The following PGAP1 variants were observed in gnomAD, a reference collection of about 807,000 sequenced individuals.
The protein encoded by PGAP1 is post-GPI attachment to proteins inositol deacylase 1.
PGAP1 carries 76 observed loss-of-function variants against 127.0 expected under a neutral mutation model. That is an observed-to-expected ratio of 0.60 (90% CI 0.50 to 0.72). The LOEUF (loss-of-function observed/expected upper bound fraction) is 0.72. Ranked by LOEUF, PGAP1 falls within the 30% of genes least tolerant of loss-of-function variation. The probability of loss-of-function intolerance (pLI) is 0.00; values close to 1 mark genes in which losing one functional copy is unlikely to be tolerated. For missense variants in PGAP1, 982 were observed against 1,071.3 expected, an observed-to-expected ratio of 0.92 and a Z score of 1.16; for synonymous variants, 362 against 366.5, an observed-to-expected ratio of 0.99 and a Z score of 0.14.
In PGAP1 at chr2:196,843,973, G is replaced by A. The variant is rs755267355; in HGVS notation, c.2440C>T (p.Arg814Cys). ...LSANDAEDSLRMHSTVINLLT... is the reference protein window; with the variant it reads ...LSANDAEDSLCMHSTVINLLT... ...AAGTTAATCACAGTACTGTGCATGC[G>A]AAGGCTATCTTCAGCATCGTTGGCA... The change falls in exon 25 of 27, where the codon CGC (arginine) becomes TGC (cysteine). Residue 814 changes from arginine to cysteine, a missense_variant. Transcript: ENST00000354764. 15 of 1,607,886 alleles carry A rather than the reference G, an allele frequency of 9.3e-6. No individual in the cohort carries two copies. Among genetic ancestry groups the A allele is most frequent in the East Asian group, 2.2e-5 (1 of 44,792 alleles).
At chr2:196,892,000 A>T (rs914171041) in intron 9 of PGAP1, among the ~76,000 whole-genome samples, 1 of 152,114 alleles carries the variant, frequency 6.6e-6, no homozygotes, top group African/African-American at 2.4e-5. Context: ...TCTAGAGGAC[A>T]AATGACTTGG....
intron 5 of PGAP1, among the ~76,000 whole-genome samples, chr2:196,898,971 A>G (rs1702382089): frequency 6.6e-6 from 1 of 152,128 alleles, no homozygotes; most frequent in South Asian, 2.1e-4. Context: ...TACAACTAGT[A>G]AAATATACAA....
intron 23 of PGAP1, 107 bp downstream of exon 23, chr2:196,845,774 GT>G: frequency 1.2e-6 from 1 of 809,546 alleles, no homozygotes; most frequent in South Asian, 3.7e-5. Context: ...GTAACAGAGG[GT>G]TACTACAGTG....
At chr2:196,846,072 A>T in intron 22 of PGAP1, 55 bp from the exon 23 acceptor site, 2 of 1,123,762 alleles carry the variant, frequency 1.8e-6, no homozygotes, top group Non-Finnish European at 2.5e-6. Context: ...TTATATAGTC[A>T]CATATAAGAA....
rs751423199 is a variant in PGAP1, at chr2:196,875,779, T to G, written c.1393A>C (p.Ile465Leu). ...CEFFKKEKRY[I>L]QLPVTHLFSF... The stretch of plus-strand genomic sequence containing the variant: ...AAAAGATGAGTTACAGGAAGCTGTA[T>G]GTATCTTTTCTCTTTTTTAAAGAAT... Residue 465 changes from isoleucine (I) to leucine (L), a missense_variant, in exon 14 of 27, where the codon ATA (isoleucine) becomes CTA (leucine). Physicochemically the swap from Ile to Leu is conservative, Grantham distance 5 (BLOSUM62 2). Coordinates refer to ENST00000354764, the MANE Select transcript of PGAP1 (RefSeq NM_024989.4). 6 of 1,543,704 alleles carry G rather than the reference T, an allele frequency of 3.9e-6. 1 individual carries two copies. The South Asian group carries it at 5.7e-5, about 15-fold the overall frequency.
chr2:196,890,782 A>C, intron 10 of PGAP1, 46 bp downstream of exon 10: 4 of 1,093,248 alleles, frequency 3.7e-6, no homozygotes, highest in Non-Finnish European at 5.5e-6. Context: ...AAAAATGAAC[A>C]ACAGTTAGCC....
At chr2:196,864,149 T>C (rs1701159434) in intron 20 of PGAP1, among the ~76,000 whole-genome samples, 1 of 151,892 alleles carries the variant, frequency 6.6e-6, no homozygotes, top group South Asian at 2.1e-4. Context: ...CCCAGCACTT[T>C]GGGAGGCTGA....
chr2:196,847,331 A>C (rs1432151377), intron 21 of PGAP1, 131 bp from the exon 22 acceptor site: 4 of 655,892 alleles, frequency 6.1e-6, no homozygotes, highest in Middle Eastern at 4.2e-4. Context: ...TATACTGAAA[A>C]ACAAATTTTT....
Position 196,841,198 on chromosome 2 carries a change from C to T in PGAP1, c.*36G>A. ...GTTCCCTCTTATCACTGGCCCTAAA[C>T]ACATAAATTATCTTCATCATTCCTT... On this transcript the variant is annotated 3_prime_UTR_variant, in exon 27 of 27. Coordinates refer to ENST00000354764, the MANE Select transcript of PGAP1 (RefSeq NM_024989.4). The T allele has an allele frequency of 6.3e-7, 1 of 1,595,252 alleles. No homozygotes were observed. Among genetic ancestry groups the T allele is most frequent in the African/African-American group, 1.3e-5 (1 of 74,316 alleles).
intron 10 of PGAP1, among the ~76,000 whole-genome samples, chr2:196,886,436 T>C (rs1186933610): frequency 2.0e-5 from 3 of 151,912 alleles, no homozygotes; most frequent in South Asian, 2.1e-4. Flanking sequence ...GCTGGGATTA[T>C]AGGTGTGAGC....
At chr2:196,876,376 G>A (rs531650544) in intron 13 of PGAP1, among the ~76,000 whole-genome samples, 2 of 152,172 alleles carry the variant, frequency 1.3e-5, no homozygotes, top group African/African-American at 4.8e-5. Context: ...AGTTATCACA[G>A]TAAGTGGAAA....
chr2:196,850,467 G>A (rs992664717), intron 20 of PGAP1, among the ~76,000 whole-genome samples: 3 of 152,186 alleles, frequency 2.0e-5, no homozygotes, highest in Non-Finnish European at 4.4e-5. Flanking sequence ...AACTTCAAGT[G>A]CCAGGGTATA....
chr2:196,876,351 T>A (rs1701569230), intron 13 of PGAP1, among the ~76,000 whole-genome samples: 1 of 152,124 alleles, frequency 6.6e-6, no homozygotes, highest in African/African-American at 2.4e-5. Context: ...TGTGGAACAC[T>A]ATTTCAGGTT....
At position 196,848,049 on chromosome 2, in the gene PGAP1, AAAAAAGTTACAT is replaced by A; in HGVS notation, c.1862-24_1862-13del. ...TTCTAAGCAACAACCTGGTGATTTA[AAAAAAGTTACAT>A]GCAATTTACAGTAATTAAGTATGAG... is the stretch of plus-strand genomic sequence containing the variant. On this transcript the variant is annotated splice_polypyrimidine_tract_variant and intron_variant, in intron 20 of 26. Transcript: ENST00000354764. The A allele has an allele frequency of 6.3e-7, 1 of 1,575,376 alleles. No individual in the cohort carries two copies. Among genetic ancestry groups the A allele is most frequent in the Non-Finnish European group, 8.6e-7 (1 of 1,161,478 alleles).
At chr2:196,888,601 T>C (rs1701994118) in intron 10 of PGAP1, among the ~76,000 whole-genome samples, 1 of 152,142 alleles carries the variant, frequency 6.6e-6, no homozygotes, top group Non-Finnish European at 1.5e-5. Flanking sequence ...ATGTAATACA[T>C]TTCTTTGAAC....
intron 19 of PGAP1, among the ~76,000 whole-genome samples, chr2:196,867,993 A>G (rs942376137): frequency 6.6e-6 from 1 of 152,180 alleles, no homozygotes; most frequent in African/African-American, 2.4e-5. Context: ...AATATACTCT[A>G]CTTATCGAGA....
At position 196,897,169 on chromosome 2, in the gene PGAP1, G is replaced by A. The variant is rs754818869; in HGVS notation, c.889C>T (p.Arg297Ter). The change falls in exon 7 of 27, where the codon CGA becomes TGA. Residue 297 changes from arginine (R) to a stop codon, truncating the protein, a stop_gained. Coordinates refer to ENST00000354764, the MANE Select transcript of PGAP1 (RefSeq NM_024989.4). LOFTEE classifies it high-confidence loss of function. ...WCKQLQLTTVRAFFDLIDADT... is the reference protein window; with the variant it reads ...WCKQLQLTTV ...GCATCAATAAGATCAAAGAATGCTC[G>A]AACTGTAGTCAACTGCAATTGTTTA... 7 of 1,583,084 alleles carry A rather than the reference G, an allele frequency of 4.4e-6. No individual in the cohort carries two copies. Among genetic ancestry groups the A allele is most frequent in the African/African-American group, 1.4e-5 (1 of 73,628 alleles).
At chr2:196,848,217 G>C (rs1700614677) in intron 20 of PGAP1, among the ~76,000 whole-genome samples, 180 bp from the exon 21 acceptor site, 1 of 151,916 alleles carries the variant, frequency 6.6e-6, no homozygotes, top group Admixed American at 6.6e-5. Context: ...TCTTATATTA[G>C]AGTACACATT....
At chr2:196,925,997 GAGC>G (rs1013593088) in intron 1 of PGAP1, among the ~76,000 whole-genome samples, 2 of 152,104 alleles carry the variant, frequency 1.3e-5, no homozygotes, top group Non-Finnish European at 2.9e-5. Flanking sequence ...GAAATCTGAC[GAGC>G]AGATCACCGG....
Sources: allele counts gnomAD v4.1 joint callset (sites outside exome capture counted in the v4.1 genomes callset), GRCh38; gene constraint gnomAD v4.1.1; transcripts MANE v1.5; gene names NCBI Gene and HGNC (gene_info 2026-07-23, HGNC 2026-07-21).